The following TCF7L2 variants were observed in gnomAD, a reference collection of about 807,000 sequenced individuals.
TCF7L2 encodes the protein transcription factor 7-like 2.
TCF7L2 carries 23 observed loss-of-function variants against 77.9 expected under a neutral mutation model. The observed-to-expected ratio is 0.30, with a 90% CI of 0.21 to 0.42. The LOEUF (loss-of-function observed/expected upper bound fraction) is 0.42. Among genes scored for constraint, TCF7L2 ranks in the 10% least tolerant of loss-of-function variants. The probability of loss-of-function intolerance (pLI) is 1.00; values close to 1 mark genes in which losing one functional copy is unlikely to be tolerated. For missense variants in TCF7L2, 654 were observed against 793.1 expected (o/e 0.82, Z 2.11); for synonymous variants, 413 against 340.2 (o/e 1.21, Z -2.36).
At chr10:113,007,066 G>T (rs1383472554) in intron 4 of TCF7L2, among the ~76,000 whole-genome samples, 1 of 152,250 alleles carries the variant, frequency 6.6e-6, no homozygotes, top group African/African-American at 2.4e-5. Flanking sequence ...CTCTGTCCTT[G>T]TGTATTACCT....
intron 4 of TCF7L2, among the ~76,000 whole-genome samples, chr10:113,003,811 A>G (rs1294072099): frequency 6.6e-6 from 1 of 152,132 alleles, no homozygotes; most frequent in East Asian, 1.9e-4. Flanking sequence ...GGCTGAAAAT[A>G]TACTCCCTGA....
chr10:112,981,745 A>C (rs1459386132), intron 4 of TCF7L2, among the ~76,000 whole-genome samples: 1 of 152,196 alleles, frequency 6.6e-6, no homozygotes, highest in Non-Finnish European at 1.5e-5. Flanking sequence ...TGGTTCTCTT[A>C]TCGTTTCTTT....
chr10:113,023,337 T>C (rs1008497475), intron 4 of TCF7L2, among the ~76,000 whole-genome samples: 8 of 152,230 alleles, frequency 5.3e-5, no homozygotes, highest in Non-Finnish European at 1.2e-4. Flanking sequence ...AAGACCTCGT[T>C]AAGTTGGCTT....
At chr10:112,994,651 C>T (rs143680762) in intron 4 of TCF7L2, among the ~76,000 whole-genome samples, 89 of 152,234 alleles carry the variant, frequency 5.8e-4, no homozygotes, top group African/African-American at 1.8e-3. Context: ...TGTGATGTAC[C>T]AGTTGTGTTA....
intron 3 of TCF7L2, among the ~76,000 whole-genome samples, chr10:112,956,453 T>C (rs982637997): frequency 6.6e-6 from 1 of 150,770 alleles, no homozygotes; most frequent in African/African-American, 2.4e-5. Context: ...TTAGATAATA[T>C]CTTTGACTGC....
chr10:113,008,312 G>T (rs2045917468), intron 4 of TCF7L2, among the ~76,000 whole-genome samples: 1 of 152,094 alleles, frequency 6.6e-6, no homozygotes, highest in Non-Finnish European at 1.5e-5. Context: ...AGCATCCTTG[G>T]ACATCTTCCT....
intron 4 of TCF7L2, among the ~76,000 whole-genome samples, chr10:112,969,095 C>T (rs902547560): frequency 6.6e-6 from 1 of 152,114 alleles, no homozygotes; most frequent in Admixed American, 6.5e-5. Context: ...ATAAAGAGCT[C>T]CCCAGAAGTC....
chr10:112,964,805 G>GTGGTGA (rs1564719284), intron 4 of TCF7L2, among the ~76,000 whole-genome samples, 181 bp downstream of exon 4: 2 of 133,766 alleles, frequency 1.5e-5, no homozygotes, highest in Non-Finnish European at 3.1e-5. Flanking sequence ...GGTGGTGGTG[G>GTGGTGA]TGGTGGTGGG....
intron 5 of TCF7L2, among the ~76,000 whole-genome samples, chr10:113,064,115 C>G (rs1184097180): frequency 6.6e-6 from 1 of 152,138 alleles, no homozygotes; most frequent in African/African-American, 2.4e-5. Context: ...CCTCTCATCT[C>G]CTGAAGAAGG....
chr10:112,969,046 C>A (rs1467782251), intron 4 of TCF7L2, among the ~76,000 whole-genome samples: 2 of 152,072 alleles, frequency 1.3e-5, no homozygotes, highest in Non-Finnish European at 2.9e-5. Context: ...TAGAAAAAAA[C>A]AGGCAGTGGC....
intron 5 of TCF7L2, among the ~76,000 whole-genome samples, chr10:113,057,333 C>A (rs754109492): frequency 6.6e-6 from 1 of 152,208 alleles, no homozygotes; most frequent in Non-Finnish European, 1.5e-5. Context: ...CCAGGCCCAG[C>A]TAACTTTTTG....
intron 5 of TCF7L2, among the ~76,000 whole-genome samples, chr10:113,115,675 G>A (rs1432936789): frequency 2.0e-5 from 3 of 152,194 alleles, no homozygotes; most frequent in Non-Finnish European, 2.9e-5. Context: ...CTTAAGCAGT[G>A]AAGGGTTTTT....
chr10:112,964,809 TGGTG>T (rs1399697671), intron 4 of TCF7L2, among the ~76,000 whole-genome samples, 185 bp downstream of exon 4: 9 of 28,586 alleles, frequency 3.1e-4, no homozygotes, highest in African/African-American at 1.9e-3. Context: ...GTGGTGGTGG[TGGTG>T]GGGGGGGGTT....
At chr10:112,986,149 C>G (rs1433713916) in intron 4 of TCF7L2, among the ~76,000 whole-genome samples, 1 of 151,908 alleles carries the variant, frequency 6.6e-6, no homozygotes. Context: ...AGGCTCTGGT[C>G]AAGTCATTGG....
chr10:112,987,421 T>G (rs1321441891), intron 4 of TCF7L2: 6 of 152,008 alleles, frequency 3.9e-5, no homozygotes, highest in Admixed American at 2.0e-4. Flanking sequence ...AGAAGTTTTT[T>G]TTTTTTTTTT....
intron 4 of TCF7L2, among the ~76,000 whole-genome samples, chr10:112,973,635 G>C (rs533577330): frequency 6.6e-6 from 1 of 152,132 alleles, no homozygotes; most frequent in Admixed American, 6.5e-5. Context: ...TGTTACCCAG[G>C]CTGGAGTACA....
chr10:113,142,857 C>G (rs1015947888), intron 6 of TCF7L2, among the ~76,000 whole-genome samples: 1 of 152,208 alleles, frequency 6.6e-6, no homozygotes, highest in Non-Finnish European at 1.5e-5. Context: ...AACATTCTTT[C>G]AAGTGTGCAA....
intron 4 of TCF7L2, among the ~76,000 whole-genome samples, chr10:113,037,661 T>C: frequency 6.6e-6 from 1 of 152,178 alleles, no homozygotes; most frequent in East Asian, 1.9e-4. Context: ...CTTGGGTGGG[T>C]CCTCAGGGCA....
At chr10:112,962,128 A>T (rs2035419181) in intron 3 of TCF7L2, among the ~76,000 whole-genome samples, 1 of 152,334 alleles carries the variant, frequency 6.6e-6, no homozygotes, top group South Asian at 2.1e-4. Context: ...TAATTTATTC[A>T]TAAGATTGTG....
Sources: gnomAD v4.1 joint callset for allele counts (sites outside exome capture counted in the v4.1 genomes callset) on GRCh38, gnomAD v4.1.1 for gene constraint, MANE v1.5 for transcripts, NCBI Gene and HGNC (gene_info 2026-07-23, HGNC 2026-07-21) for gene names.